PHF21A: variants seen among roughly 807,000 people sequenced by gnomAD.
The protein encoded by PHF21A is BHC80a.
In PHF21A, 11 loss-of-function variants were observed where a neutral mutation model predicts 82.5. The observed-to-expected ratio is 0.13, with a 90% CI of 0.08 to 0.22. The LOEUF is 0.22. PHF21A is among the 10% of genes least tolerant of loss of function. The pLI is 1.00. For missense variants in PHF21A, 579 were observed against 837.8 expected (o/e 0.69, Z 3.81); for synonymous variants, 297 against 302.8 (o/e 0.98, Z 0.20).
intron 6 of PHF21A, among the ~76,000 whole-genome samples, chr11:46,004,852 C>T (rs1253133869): frequency 6.6e-6 from 1 of 152,202 alleles, no homozygotes; most frequent in Non-Finnish European, 1.5e-5. Flanking sequence ...TCACTACACA[C>T]ATACTTACAT....
chr11:46,099,965 T>C (rs377627620), intron 1 of PHF21A, among the ~76,000 whole-genome samples: 1 of 152,228 alleles, frequency 6.6e-6, no homozygotes, highest in East Asian at 1.9e-4. Flanking sequence ...AACATATTGA[T>C]CCTTTCTCAC....
At chr11:46,072,779 T>C (rs576969239) in intron 6 of PHF21A, among the ~76,000 whole-genome samples, 15 of 152,194 alleles carry the variant, frequency 9.9e-5, no homozygotes, top group South Asian at 8.3e-4. Context: ...TAAAGGGAGA[T>C]AGGGCAGCAA....
At chr11:45,958,156 T>C (rs2092801221) in intron 10 of PHF21A, among the ~76,000 whole-genome samples, 1 of 151,682 alleles carries the variant, frequency 6.6e-6, no homozygotes, top group Admixed American at 6.6e-5. Context: ...CAGGATCAGA[T>C]GGTTTTATTA....
At chr11:46,062,080 GT>G (rs1045114793) in intron 6 of PHF21A, among the ~76,000 whole-genome samples, 1 of 151,150 alleles carries the variant, frequency 6.6e-6, no homozygotes, top group Non-Finnish European at 1.5e-5. Flanking sequence ...GTTTGCAACT[GT>G]TTTTTGTTTT....
chr11:45,997,765 A>C lies in PHF21A; in HGVS notation c.154-17799T>G, dbSNP rs1334727986. Among the ~76,000 whole-genome samples, 3 of 152,146 alleles carry C rather than the reference A, an allele frequency of 2.0e-5. No homozygotes were observed. The East Asian group carries it at 5.8e-4, about 29-fold the overall frequency. The stretch of plus-strand genomic sequence containing the variant: ...TCTGTTTATGTGTGCTGCTTGTCTC[A>C]CGGTGCAAATCAACCTGCTGCTGGG... On this transcript the variant is annotated intron_variant, in intron 6 of 18. Coordinates refer to ENST00000676320, the MANE Select transcript of PHF21A (RefSeq NM_001352027.3).
chr11:46,076,154 C>CA (rs1029070988), intron 6 of PHF21A, among the ~76,000 whole-genome samples: 11 of 152,196 alleles, frequency 7.2e-5, no homozygotes. Context: ...GGTCATCATA[C>CA]AAAAAATTCC....
chr11:45,984,019 G>A (rs1451757467), intron 6 of PHF21A, among the ~76,000 whole-genome samples: 1 of 152,100 alleles, frequency 6.6e-6, no homozygotes, highest in African/African-American at 2.4e-5. Flanking sequence ...ATTTTCAAAG[G>A]TATTCACATA....
chr11:46,019,814 T>C (rs745993847), intron 6 of PHF21A, among the ~76,000 whole-genome samples: 29 of 152,138 alleles, frequency 1.9e-4, no homozygotes, highest in Non-Finnish European at 3.5e-4. Flanking sequence ...CAGAAGCAAG[T>C]AAGAAATATT....
chr11:46,113,378 A>G (rs1453977094), intron 1 of PHF21A, among the ~76,000 whole-genome samples: 1 of 152,230 alleles, frequency 6.6e-6, no homozygotes, highest in Non-Finnish European at 1.5e-5. Flanking sequence ...TATTTAGACC[A>G]ACATTTTCAC....
intron 6 of PHF21A, among the ~76,000 whole-genome samples, chr11:46,007,319 C>CT (rs929759044): frequency 1.1e-3 from 161 of 145,166 alleles, no homozygotes; most frequent in Middle Eastern, 3.5e-3. Context: ...TCTTCTTCTT[C>CT]TTTTTTTTTT....
chr11:45,989,110 T>C (rs1355364265), intron 6 of PHF21A, among the ~76,000 whole-genome samples: 2 of 152,206 alleles, frequency 1.3e-5, no homozygotes, highest in Non-Finnish European at 2.9e-5. Context: ...AAATAATTAC[T>C]GATTAACTTC....
At chr11:46,006,198 A>C (rs765644243) in intron 6 of PHF21A, among the ~76,000 whole-genome samples, 1 of 152,236 alleles carries the variant, frequency 6.6e-6, no homozygotes, top group Non-Finnish European at 1.5e-5. Context: ...TTTTAAAATT[A>C]AATGTTATAA....
chr11:46,043,528 G>T (rs2096196424), intron 6 of PHF21A, among the ~76,000 whole-genome samples: 1 of 151,934 alleles, frequency 6.6e-6, no homozygotes, highest in Admixed American at 6.6e-5. Flanking sequence ...CCTTCCACTG[G>T]CCTAGTGAAG....
chr11:45,977,588 A>G (rs2094098146), intron 7 of PHF21A, among the ~76,000 whole-genome samples: 1 of 152,200 alleles, frequency 6.6e-6, no homozygotes, highest in Admixed American at 6.5e-5. Flanking sequence ...AAAGAGAACA[A>G]CCTAACCCAA....
At chr11:45,949,028 G>T in intron 13 of PHF21A, 82 bp from the exon 14 acceptor site, 1 of 1,075,866 alleles carries the variant, frequency 9.3e-7, no homozygotes, top group Non-Finnish European at 1.5e-6. Context: ...ACCAAGCATG[G>T]CATGACTGTC....
intron 7 of PHF21A, among the ~76,000 whole-genome samples, chr11:45,978,393 T>C (rs1041572621): frequency 6.6e-6 from 1 of 152,200 alleles, no homozygotes; most frequent in African/African-American, 2.4e-5. Context: ...AGTATGTCCA[T>C]TATGTAAAAC....
intron 6 of PHF21A, among the ~76,000 whole-genome samples, chr11:46,072,979 TC>T (rs1315195544): frequency 6.6e-6 from 1 of 152,116 alleles, no homozygotes; most frequent in Non-Finnish European, 1.5e-5. Flanking sequence ...CATATGCCTA[TC>T]AAAAAATCAG....
At chr11:46,102,071 T>C (rs982127422) in intron 1 of PHF21A, among the ~76,000 whole-genome samples, 19 of 152,086 alleles carry the variant, frequency 1.2e-4, no homozygotes, top group African/African-American at 4.6e-4. Context: ...TTGGCCAGGA[T>C]GGTCTCAAAC....
chr11:46,059,095 T>G (rs1017152948), intron 6 of PHF21A, among the ~76,000 whole-genome samples: 1 of 152,188 alleles, frequency 6.6e-6, no homozygotes, highest in Non-Finnish European at 1.5e-5. Context: ...CCAAAGAAAG[T>G]TATGAAGAAG....
Sources: gnomAD v4.1 joint callset for allele counts (sites outside exome capture counted in the v4.1 genomes callset) on GRCh38, gnomAD v4.1.1 for gene constraint, MANE v1.5 for transcripts, NCBI Gene and HGNC (gene_info 2026-07-23, HGNC 2026-07-21) for gene names.